The following RPS6KA5 variants were observed in gnomAD, a reference collection of about 807,000 sequenced individuals.
The protein encoded by RPS6KA5 is ribosomal protein S6 kinase A5.
In RPS6KA5, 27 loss-of-function variants were observed where a neutral mutation model predicts 85.5. The ratio of observed to expected loss-of-function variants is 0.32; its 90% CI spans 0.23 to 0.44. RPS6KA5 has a LOEUF of 0.44. RPS6KA5 is among the 20% of genes least tolerant of loss of function. The pLI is 1.00. For missense variants in RPS6KA5, 811 were observed against 980.9 expected, an observed-to-expected ratio of 0.83 and a Z score of 2.31; for synonymous variants, 334 against 348.2, an observed-to-expected ratio of 0.96 and a Z score of 0.46.
intron 2 of RPS6KA5, among the ~76,000 whole-genome samples, chr14:90,981,073 A>G (rs537943567): frequency 6.6e-6 from 1 of 152,344 alleles, no homozygotes; most frequent in Admixed American, 6.5e-5. Context: ...CGGGAGGCTG[A>G]GGCAGGAGAA....
In RPS6KA5 at chr14:90,864,498, A is replaced by G. The variant is rs1001437874; in HGVS notation, c.*7576T>C. 1 of 152,238 alleles carries G rather than the reference A, an allele frequency of 6.6e-6. No homozygotes were observed. Among genetic ancestry groups the G allele is most frequent in the Non-Finnish European group, 1.5e-5 (1 of 68,036 alleles). 9.4% of individuals were successfully genotyped at this position (152,238 alleles called of 1,614,324 possible). On this transcript the variant is annotated 3_prime_UTR_variant, in exon 17 of 17. Coordinates refer to ENST00000614987, the MANE Select transcript of RPS6KA5 (RefSeq NM_004755.4). The stretch of plus-strand genomic sequence containing the variant: ...CATAACCTTGGTGTGAACATTTATT[A>G]AATACGACGCAAAAGTATTAGCAAT...
chr14:91,011,956 A>G (rs2041273881), intron 1 of RPS6KA5, among the ~76,000 whole-genome samples: 1 of 152,248 alleles, frequency 6.6e-6, no homozygotes, highest in African/African-American at 2.4e-5. Context: ...ATGCAACAGA[A>G]AGGATAGAAA....
intron 14 of RPS6KA5, among the ~76,000 whole-genome samples, chr14:90,879,786 T>G (rs1404677467): frequency 1.3e-4 from 20 of 150,808 alleles, no homozygotes; most frequent in African/African-American, 4.9e-4. Flanking sequence ...TCCTAATTTT[T>G]TTTTTTTTTT....
intron 1 of RPS6KA5, among the ~76,000 whole-genome samples, chr14:91,048,502 A>T (rs1368448364): frequency 1.3e-5 from 2 of 152,002 alleles, no homozygotes; most frequent in Admixed American, 1.3e-4. Flanking sequence ...ATACTTTTTT[A>T]AAAAAGAAAG....
chr14:90,904,331 A>C (rs1428233791), intron 8 of RPS6KA5, among the ~76,000 whole-genome samples: 1 of 152,192 alleles, frequency 6.6e-6, no homozygotes, highest in Non-Finnish European at 1.5e-5. Flanking sequence ...TGTCTTGTAG[A>C]TGCAATAGAA....
At chr14:90,909,941 A>T (rs2035710335) in intron 7 of RPS6KA5, among the ~76,000 whole-genome samples, 1 of 152,126 alleles carries the variant, frequency 6.6e-6, no homozygotes, top group Admixed American at 6.6e-5. Context: ...ATGCCTGGCT[A>T]ATTTTTGTAT....
intron 1 of RPS6KA5, among the ~76,000 whole-genome samples, chr14:91,037,608 T>C (rs984451124): frequency 2.0e-5 from 3 of 152,182 alleles, no homozygotes. Context: ...AGTAAATCCA[T>C]TCTAAAACTC....
At chr14:91,053,741 C>T (rs1010210611) in intron 1 of RPS6KA5, among the ~76,000 whole-genome samples, 2 of 152,146 alleles carry the variant, frequency 1.3e-5, no homozygotes, top group Non-Finnish European at 2.9e-5. Context: ...ATAGATCAGA[C>T]GACTTAACAT....
At chr14:91,010,630 T>C (rs1009609853) in intron 1 of RPS6KA5, among the ~76,000 whole-genome samples, 11 of 152,188 alleles carry the variant, frequency 7.2e-5, no homozygotes, top group African/African-American at 2.7e-4. Flanking sequence ...GGTTGCATTA[T>C]AGGGGTGTGG....
At chr14:90,928,185 C>T (rs2036785313) in intron 5 of RPS6KA5, among the ~76,000 whole-genome samples, 1 of 151,762 alleles carries the variant, frequency 6.6e-6, no homozygotes, top group Admixed American at 6.6e-5. Flanking sequence ...TCTTAAAGTG[C>T]TTGGATATAG....
In RPS6KA5 at chr14:90,871,972, A is replaced by T; in HGVS notation, c.*102T>A. 6.9e-7 allele frequency: 1 copy of T among 1,455,992 alleles called. No individual in the cohort carries two copies. Among genetic ancestry groups the T allele is most frequent in the Admixed American group, 2.3e-5 (1 of 43,848 alleles). 90.2% of individuals were successfully genotyped at this position (1,455,992 alleles called of 1,614,324 possible). A position where few individuals can be genotyped will look rare whatever the true frequency, so the allele number is the denominator to read the frequency against. On this transcript the variant is annotated 3_prime_UTR_variant, in exon 17 of 17. Transcript: ENST00000614987. ...AAAAAATCATTAGGAGGCAGATTCC[A>T]ATGAGACCAACGGGAAACATTTTTA...
intron 14 of RPS6KA5, among the ~76,000 whole-genome samples, chr14:90,884,135 T>C (rs2034037487): frequency 1.3e-5 from 2 of 152,198 alleles, no homozygotes; most frequent in Non-Finnish European, 1.5e-5. Flanking sequence ...GCAGCAATTA[T>C]AGCAATTCAG....
intron 5 of RPS6KA5, among the ~76,000 whole-genome samples, chr14:90,942,142 G>A (rs1012391012): frequency 2.0e-5 from 3 of 152,046 alleles, no homozygotes; most frequent in Non-Finnish European, 4.4e-5. Context: ...TAAACTGAAT[G>A]AATATAGATG....
chr14:90,982,884 C>T (rs540745331), intron 2 of RPS6KA5, among the ~76,000 whole-genome samples: 4 of 152,046 alleles, frequency 2.6e-5, no homozygotes, highest in Non-Finnish European at 4.4e-5. Context: ...GAGGCCGAGG[C>T]GGGCAGATCA....
intron 7 of RPS6KA5, among the ~76,000 whole-genome samples, chr14:90,914,183 A>T (rs2035981339): frequency 6.6e-6 from 1 of 152,138 alleles, no homozygotes; most frequent in Non-Finnish European, 1.5e-5. Context: ...TCTACACTGC[A>T]GCATCATCAG....
At chr14:90,918,232 A>G (rs1286129) in intron 7 of RPS6KA5, among the ~76,000 whole-genome samples, 121,610 of 152,110 alleles carry the variant, frequency 0.8, 48,927 homozygotes, top group East Asian at 0.97. Context: ...TACTAGTTGA[A>G]TATATAGTGG....
At chr14:90,975,238 G>C (rs144171246) in intron 3 of RPS6KA5, among the ~76,000 whole-genome samples, 58 of 152,130 alleles carry the variant, frequency 3.8e-4, no homozygotes, top group Non-Finnish European at 6.9e-4. Flanking sequence ...CAAACTGTTA[G>C]CAAGGTTCCT....
chr14:90,983,276 CAAAAA>C (rs562999325), intron 2 of RPS6KA5, among the ~76,000 whole-genome samples: 57 of 66,616 alleles, frequency 8.6e-4, no homozygotes, highest in Non-Finnish European at 1.4e-3. Flanking sequence ...GACTCCATCT[CAAAAA>C]AAAAAAAAAA....
intron 3 of RPS6KA5, among the ~76,000 whole-genome samples, chr14:90,971,075 T>C (rs2039296999): frequency 6.6e-6 from 1 of 152,080 alleles, no homozygotes; most frequent in Non-Finnish European, 1.5e-5. Context: ...CCCAGCACTT[T>C]GGGAGGCCAG....
Sources: gnomAD v4.1 joint callset for allele counts (sites outside exome capture counted in the v4.1 genomes callset) on GRCh38, gnomAD v4.1.1 for gene constraint, MANE v1.5 for transcripts, NCBI Gene and HGNC (gene_info 2026-07-23, HGNC 2026-07-21) for gene names.